Variants in PDE1A observed in about 807,000 individuals in gnomAD.
The protein encoded by PDE1A is dual specificity calcium/calmodulin-dependent 3',5'-cyclic nucleotide phosphodiesterase 1A.
PDE1A carries 35 observed loss-of-function variants against 61.7 expected under a neutral mutation model. The observed-to-expected ratio is 0.57, with a 90% CI of 0.43 to 0.75. The LOEUF (loss-of-function observed/expected upper bound fraction) is 0.75, where lower values mean the gene tolerates loss of function less well. PDE1A is among the 30% of genes least tolerant of loss of function. The pLI is 0.00. For missense variants in PDE1A, 597 were observed against 630.6 expected (o/e 0.95, Z 0.57); for synonymous variants, 232 against 213.2 (o/e 1.09, Z -0.77).
At chr2:182,602,992 C>CACACACATACATACATACATACATACAT in the PDE1A span, among the ~76,000 whole-genome samples, 2 of 130,390 alleles carry the variant, frequency 1.5e-5, no homozygotes, top group East Asian at 2.1e-4. Context: ...CACACACACA[C>CACACACATACATACATACATACATACAT]ACATACATAC....
At chr2:182,660,029 G>C in the PDE1A span, among the ~76,000 whole-genome samples, 1 of 152,140 alleles carries the variant, frequency 6.6e-6, no homozygotes, top group African/African-American at 2.4e-5. Flanking sequence ...AATATATCAT[G>C]GGCATGGCTG....
the PDE1A span, among the ~76,000 whole-genome samples, chr2:182,593,946 A>G: frequency 2.0e-5 from 3 of 152,318 alleles, no homozygotes; most frequent in East Asian, 3.9e-4. Flanking sequence ...TTGAAAATGC[A>G]TGGGCGTCAC....
intron 1 of PDE1A, among the ~76,000 whole-genome samples, chr2:182,342,976 C>G (rs541792036): frequency 6.6e-6 from 1 of 152,100 alleles, no homozygotes; most frequent in Non-Finnish European, 1.5e-5. Flanking sequence ...CACATACATG[C>G]GTTCACATAT....
At chr2:182,660,114 G>A in the PDE1A span, among the ~76,000 whole-genome samples, 1 of 152,038 alleles carries the variant, frequency 6.6e-6, no homozygotes, top group Non-Finnish European at 1.5e-5. Context: ...AGAAGCTCTT[G>A]GATTAAAATT....
intron 1 of PDE1A, among the ~76,000 whole-genome samples, chr2:182,385,619 CAGAA>C (rs200380585): frequency 1.1e-3 from 41 of 39,012 alleles, no homozygotes; most frequent in African/African-American, 3.7e-3. Flanking sequence ...ATGAAAGAAA[CAGAA>C]AGAAAGAAAG....
At chr2:182,271,458 C>T (rs977067598) in intron 1 of PDE1A, among the ~76,000 whole-genome samples, 2 of 152,084 alleles carry the variant, frequency 1.3e-5, no homozygotes, top group Non-Finnish European at 2.9e-5. Flanking sequence ...CCAAAAGTCA[C>T]AATTTAGGTA....
At chr2:182,528,059 G>A (rs893043417), upstream of PDE1A, among the ~76,000 whole-genome samples, 2 of 152,034 alleles carry the variant, frequency 1.3e-5, no homozygotes, top group African/African-American at 4.8e-5. Flanking sequence ...CAGTAGAGTG[G>A]GGCACTGCTG....
At chr2:182,198,338 A>G (rs887711658) in intron 10 of PDE1A, among the ~76,000 whole-genome samples, 2 of 151,814 alleles carry the variant, frequency 1.3e-5, no homozygotes, top group African/African-American at 4.8e-5. Context: ...ATTTATTTTT[A>G]TTCAAACTAT....
intron 1 of PDE1A, among the ~76,000 whole-genome samples, chr2:182,422,829 T>C (rs1559448038): frequency 6.6e-6 from 1 of 152,196 alleles, no homozygotes. Context: ...AAGTGTTGAT[T>C]CACATCTTGG....
At chr2:182,708,686 A>C in the PDE1A span, among the ~76,000 whole-genome samples, 1 of 151,998 alleles carries the variant, frequency 6.6e-6, no homozygotes, top group Non-Finnish European at 1.5e-5. Context: ...CCCTCAACAC[A>C]TGGGGACTAC....
the PDE1A span, among the ~76,000 whole-genome samples, chr2:182,684,770 C>G: frequency 6.6e-6 from 1 of 152,020 alleles, no homozygotes; most frequent in African/African-American, 2.4e-5. Flanking sequence ...AGGCTGGTCT[C>G]GAATTCCTGA....
chr2:182,616,820 G>A, the PDE1A span, among the ~76,000 whole-genome samples: 1 of 152,184 alleles, frequency 6.6e-6, no homozygotes, highest in African/African-American at 2.4e-5. Flanking sequence ...GCGGGTATGG[G>A]CTAAAACATC....
the PDE1A span, among the ~76,000 whole-genome samples, chr2:182,550,180 T>C: frequency 1.3e-5 from 2 of 152,146 alleles, no homozygotes; most frequent in African/African-American, 4.8e-5. Flanking sequence ...ATAAAGAAAG[T>C]AAATGTGAGA....
At chr2:182,446,283 G>A (rs537597013) in intron 2 of PDE1A, among the ~76,000 whole-genome samples, 1 of 152,202 alleles carries the variant, frequency 6.6e-6, no homozygotes, top group East Asian at 1.9e-4. Flanking sequence ...ACTCAGCTCT[G>A]TTAGAACAGC....
intron 1 of PDE1A, among the ~76,000 whole-genome samples, chr2:182,423,062 A>G (rs1307704669): frequency 6.6e-6 from 1 of 152,192 alleles, no homozygotes; most frequent in African/African-American, 2.4e-5. Flanking sequence ...GGCACTCACC[A>G]TGCACATATG....
At chr2:182,424,779 G>T (rs1703500271) in intron 1 of PDE1A, among the ~76,000 whole-genome samples, 1 of 152,114 alleles carries the variant, frequency 6.6e-6, no homozygotes, top group Admixed American at 6.6e-5. Flanking sequence ...CCTGGTAAAA[G>T]CAATGCCAAC....
intron 1 of PDE1A, among the ~76,000 whole-genome samples, chr2:182,265,037 A>G (rs1373943879): frequency 2.6e-5 from 4 of 151,706 alleles, no homozygotes; most frequent in African/African-American, 9.7e-5. Context: ...GTTCTCACTT[A>G]TAAGTGGGAG....
At chr2:182,708,265 C>T in the PDE1A span, among the ~76,000 whole-genome samples, 1 of 152,078 alleles carries the variant, frequency 6.6e-6, no homozygotes, top group Non-Finnish European at 1.5e-5. Flanking sequence ...GTCCCTCCCA[C>T]AACACGTGGG....
At chr2:182,429,794 T>A (rs1267588976), upstream of PDE1A, among the ~76,000 whole-genome samples, 1 of 152,136 alleles carries the variant, frequency 6.6e-6, no homozygotes, top group Non-Finnish European at 1.5e-5. Context: ...ATTTTCTTCA[T>A]TGTTATAGTC....
Sources: gnomAD v4.1 joint callset for allele counts (sites outside exome capture counted in the v4.1 genomes callset) on GRCh38, gnomAD v4.1.1 for gene constraint, MANE v1.5 for transcripts, NCBI Gene and HGNC (gene_info 2026-07-23, HGNC 2026-07-21) for gene names.